PTPRM: variants seen among roughly 807,000 people sequenced by gnomAD.
PTPRM encodes the protein protein tyrosine phosphatase receptor type M.
In PTPRM, 47 loss-of-function variants were observed where a neutral mutation model predicts 186.7. That is an observed-to-expected ratio of 0.25 (90% CI 0.20 to 0.32). The LOEUF is 0.32. PTPRM is among the 10% of genes least tolerant of loss of function. The pLI is 1.00. For missense variants in PTPRM, 1,494 were observed against 1,865.0 expected, an observed-to-expected ratio of 0.80 and a Z score of 3.66; for synonymous variants, 668 against 674.9, an observed-to-expected ratio of 0.99 and a Z score of 0.16.
At chr18:8,267,916 T>C (rs993765085) in intron 19 of PTPRM, among the ~76,000 whole-genome samples, 1 of 152,190 alleles carries the variant, frequency 6.6e-6, no homozygotes, top group Non-Finnish European at 1.5e-5. Context: ...AAATTTTCTT[T>C]TGTGAATTGT....
chr18:8,283,614 A>G (rs1482928417), intron 19 of PTPRM, among the ~76,000 whole-genome samples: 1 of 152,128 alleles, frequency 6.6e-6, no homozygotes, highest in Non-Finnish European at 1.5e-5. Context: ...TATTGTTAGT[A>G]TTATGTTATT....
chr18:8,209,792 G>A (rs906800098), intron 14 of PTPRM, among the ~76,000 whole-genome samples: 9 of 151,822 alleles, frequency 5.9e-5, no homozygotes. Context: ...ATGGACACAG[G>A]GAGGCGAACA....
intron 14 of PTPRM, among the ~76,000 whole-genome samples, chr18:8,231,803 G>A (rs1455478486): frequency 6.6e-6 from 1 of 151,958 alleles, no homozygotes; most frequent in East Asian, 1.9e-4. Context: ...AGCAGTTTTT[G>A]TTTCACCACA....
At chr18:8,358,163 G>T (rs549295815) in intron 23 of PTPRM, among the ~76,000 whole-genome samples, 1 of 150,598 alleles carries the variant, frequency 6.6e-6, no homozygotes, top group African/African-American at 2.4e-5. Flanking sequence ...ATTTGCCTGC[G>T]TGAGTAACCA....
intron 22 of PTPRM, 82 bp downstream of exon 22, chr18:8,319,296 A>C: frequency 2.0e-6 from 2 of 1,004,418 alleles, no homozygotes; most frequent in Non-Finnish European, 3.0e-6. Flanking sequence ...ACCCTCCTTC[A>C]GGAAGATATT....
In PTPRM at chr18:8,228,436, G is replaced by T. The variant is rs776307759; in HGVS notation, c.2301-15622G>T. 3.9e-4 allele frequency among the ~76,000 whole-genome samples: 59 copies of T among 152,162 alleles called. 1 individual carries two copies. Among genetic ancestry groups the T allele is most frequent in the Admixed American group, 1.6e-3 (24 of 15,286 alleles). On this transcript the variant is annotated intron_variant, in intron 14 of 32. Transcript: ENST00000580170. Reference sequence around the variant, plus strand: ...ATCGACCCAAAGGCTTTTTTCCAGGGCTGTTATATTGTCATATGAATAACA... The same window carrying T: ...ATCGACCCAAAGGCTTTTTTCCAGGTCTGTTATATTGTCATATGAATAACA...
At chr18:7,713,353 G>A (rs1010480906) in intron 1 of PTPRM, among the ~76,000 whole-genome samples, 13 of 152,082 alleles carry the variant, frequency 8.5e-5, no homozygotes, top group East Asian at 7.7e-4. Context: ...CCTGCCTTAC[G>A]AGAGCTCCTG....
intron 4 of PTPRM, among the ~76,000 whole-genome samples, chr18:7,909,675 C>G (rs2050165778): frequency 6.6e-6 from 1 of 150,864 alleles, no homozygotes; most frequent in Non-Finnish European, 1.5e-5. Context: ...CTATGCTTTC[C>G]AAATGGCTGC....
intron 14 of PTPRM, among the ~76,000 whole-genome samples, chr18:8,189,179 C>T (rs888675851): frequency 6.6e-6 from 1 of 151,782 alleles, no homozygotes; most frequent in Non-Finnish European, 1.5e-5. Context: ...CACCTGTGGT[C>T]CCAGCTACTC....
At chr18:7,700,109 A>G (rs1433706577) in intron 1 of PTPRM, among the ~76,000 whole-genome samples, 1 of 152,252 alleles carries the variant, frequency 6.6e-6, no homozygotes, top group Admixed American at 6.5e-5. Flanking sequence ...ATATGCAATC[A>G]GAGTCAGTTA....
chr18:8,270,656 A>G (rs1042262801), intron 19 of PTPRM, among the ~76,000 whole-genome samples: 11 of 152,148 alleles, frequency 7.2e-5, no homozygotes, highest in African/African-American at 2.4e-4. Flanking sequence ...CATATATGCA[A>G]TGGAATATTA....
intron 13 of PTPRM, among the ~76,000 whole-genome samples, chr18:8,121,415 A>G (rs1242357502): frequency 1.3e-5 from 2 of 152,092 alleles, no homozygotes; most frequent in East Asian, 3.8e-4. Context: ...CAGCTGTATC[A>G]TGTTAGAACT....
intron 32 of PTPRM, among the ~76,000 whole-genome samples, chr18:8,397,731 C>G (rs1348707415): frequency 1.3e-5 from 2 of 150,354 alleles, no homozygotes; most frequent in Non-Finnish European, 2.9e-5. Flanking sequence ...TGAAGAGACT[C>G]CGGCTGCAGG....
chr18:7,808,396 A>G (rs2044343087), intron 2 of PTPRM, among the ~76,000 whole-genome samples: 1 of 152,146 alleles, frequency 6.6e-6, no homozygotes, highest in Admixed American at 6.5e-5. Flanking sequence ...GGAAAATAGA[A>G]CTTATTTACT....
At chr18:8,014,513 G>A (rs1049930092) in intron 7 of PTPRM, among the ~76,000 whole-genome samples, 1 of 152,128 alleles carries the variant, frequency 6.6e-6, no homozygotes, top group African/African-American at 2.4e-5. Context: ...AGTGTTATAA[G>A]ATAATTAGAA....
At chr18:7,979,724 G>C (rs2082442952) in intron 7 of PTPRM, among the ~76,000 whole-genome samples, 1 of 152,206 alleles carries the variant, frequency 6.6e-6, no homozygotes, top group Non-Finnish European at 1.5e-5. Flanking sequence ...TTTGTGTTGT[G>C]CTAAGTGTTC....
At chr18:8,251,143 G>A (rs2094524727) in intron 17 of PTPRM, among the ~76,000 whole-genome samples, 1 of 152,290 alleles carries the variant, frequency 6.6e-6, no homozygotes, top group East Asian at 1.9e-4. Context: ...AGTTGATGTA[G>A]CTCTATGGAT....
intron 2 of PTPRM, among the ~76,000 whole-genome samples, chr18:7,809,373 G>A (rs2044391854): frequency 6.6e-6 from 1 of 152,114 alleles, no homozygotes; most frequent in East Asian, 1.9e-4. Context: ...AGGCACACAG[G>A]AAGCCCTCAG....
At chr18:7,774,837 T>A (rs921825156) in intron 2 of PTPRM, among the ~76,000 whole-genome samples, 3 of 152,222 alleles carry the variant, frequency 2.0e-5, no homozygotes, top group African/African-American at 4.8e-5. Flanking sequence ...GAATTTTACT[T>A]CTTGTTGGGA....
Sources: allele counts gnomAD v4.1 joint callset (sites outside exome capture counted in the v4.1 genomes callset), GRCh38; gene constraint gnomAD v4.1.1; transcripts MANE v1.5; gene names NCBI Gene and HGNC (gene_info 2026-07-23, HGNC 2026-07-21).